Variants in HPN observed in about 807,000 individuals in gnomAD.
HPN encodes the protein hepsin.
Under a neutral mutation model 55.9 loss-of-function variants are expected in HPN, and 13 were observed. The observed-to-expected ratio is 0.23, with a 90% CI of 0.15 to 0.37. The LOEUF (loss-of-function observed/expected upper bound fraction) is 0.37. Ranked by LOEUF, HPN falls within the 10% of genes least tolerant of loss-of-function variation. The probability of loss-of-function intolerance (pLI) is 1.00; values close to 1 mark genes in which losing one functional copy is unlikely to be tolerated. For missense variants in HPN, 451 were observed against 575.8 expected (o/e 0.78, Z 2.22); for synonymous variants, 225 against 240.3 (o/e 0.94, Z 0.59).
chr19:35,054,122 A>G (rs1294983984), intron 4 of HPN, among the ~76,000 whole-genome samples: 1 of 152,166 alleles, frequency 6.6e-6, no homozygotes. Flanking sequence ...ATGGGCATAG[A>G]AGTGGTCACT....
At position 35,065,870 on chromosome 19, in the gene HPN, C is replaced by T. The variant is rs372630062; in HGVS notation, c.1053C>T (p.Gly351=). 75 of 1,613,742 alleles carry T rather than the reference C, an allele frequency of 4.6e-5. No homozygotes were observed. The highest frequency in any genetic ancestry group is 6.7e-5 in the African/African-American group (5 of 74,928). Reference sequence around the variant, plus strand: ...CAGACCTCCCTCTCCCCTCCCAGGGCGACAGCGGTGGTCCCTTTGTGTGTG... The same window carrying T: ...CAGACCTCCCTCTCCCCTCCCAGGGTGACAGCGGTGGTCCCTTTGTGTGTG... ...YPEGGIDACQ[G]DSGGPFVCED... is the part of the protein sequence containing the mutation. Residue 351 remains glycine, a splice_region_variant and synonymous_variant, in exon 12 of 13, where the codon GGC becomes GGT. Transcript: ENST00000672452.
chr19:35,064,149 T>TCAGCAGG (rs10567974), intron 9 of HPN, among the ~76,000 whole-genome samples: 2 of 151,310 alleles, frequency 1.3e-5, no homozygotes, highest in Admixed American at 6.6e-5. Flanking sequence ...GGTGATGTCA[T>TCAGCAGG]CAGCAGGCAG....
chr19:35,050,424 G>T (rs1022170281), intron 4 of HPN: 1 of 953,654 alleles, frequency 1.0e-6, no homozygotes, highest in South Asian at 1.4e-5. Flanking sequence ...GCCTGTCCCT[G>T]GTAATTAGCT....
At position 35,049,535 on chromosome 19, in the gene HPN, G is replaced by A; in HGVS notation, c.160+19G>A. ...TACCCAGGTGAGTGGAGCAGGCTGG[G>A]ACCCTCTGGGGGAGCCCTGGAGGAC... On this transcript the variant is annotated intron_variant, in intron 4 of 12. Transcript: ENST00000672452. The A allele has an allele frequency of 6.3e-7, 1 of 1,588,852 alleles. No homozygotes were observed. The highest frequency in any genetic ancestry group is 8.6e-7 in the Non-Finnish European group (1 of 1,166,800).
Position 35,060,376 on chromosome 19 carries a change from C to T in HPN, c.484C>T (p.Arg162Cys), listed in dbSNP as rs751620154. The stretch of plus-strand genomic sequence containing the variant: ...TGGCCGCAGGAAGCTGCCCGTGGAC[C>T]GCATCGTGGGAGGCCGGGACACCAG... ...DCGRRKLPVD[R>C]IVGGRDTSLG... is the part of the protein sequence containing the mutation. Residue 162 changes from arginine to cysteine, a missense_variant, in exon 8 of 13, where the codon CGC (arginine) becomes TGC (cysteine). This residue lies in a region of HPN where 378 missense variants were observed against 445.5 expected (regional missense o/e 0.85). Coordinates refer to ENST00000672452, the MANE Select transcript of HPN (RefSeq NM_001384133.1). 12 of 1,612,254 alleles carry T rather than the reference C, an allele frequency of 7.4e-6. No homozygotes were observed. The highest frequency in any genetic ancestry group is 1.7e-6 in the Non-Finnish European group (2 of 1,179,898).
intron 4 of HPN, among the ~76,000 whole-genome samples, chr19:35,052,726 T>A (rs1439730396): frequency 6.6e-6 from 1 of 152,114 alleles, no homozygotes; most frequent in African/African-American, 2.4e-5. Flanking sequence ...TCCTCACTCA[T>A]TGTGAATTAT....
chr19:35,065,295 T>C lies in HPN; in HGVS notation c.857T>C (p.Val286Ala), dbSNP rs970896654. 1.2e-6 allele frequency: 2 copies of C among 1,614,026 alleles called. No homozygotes were observed. The highest frequency in any genetic ancestry group is 1.7e-6 in the Non-Finnish European group (2 of 1,179,944). ...VCLPAAGQAL[V>A]DGKICTVTGW... ...CTCCCAGCTGCCGGCCAGGCCCTGGTGGATGGCAAGATCTGTACCGTGACG... is the reference window on the plus strand; with the variant it reads ...CTCCCAGCTGCCGGCCAGGCCCTGGCGGATGGCAAGATCTGTACCGTGACG... The change falls in exon 10 of 13, where the codon GTG becomes GCG. Residue 286 changes from valine to alanine, a missense_variant. Val to Ala is a moderately conservative substitution (Grantham distance 64, BLOSUM62 0). Transcript: ENST00000672452.
intron 2 of HPN, among the ~76,000 whole-genome samples, chr19:35,046,942 C>T (rs948098412): frequency 6.6e-6 from 1 of 152,154 alleles, no homozygotes; most frequent in Non-Finnish European, 1.5e-5. Context: ...CATTCTCCTG[C>T]CTCAGCCTCC....
chr19:35,057,794 G>A (rs561812091), intron 4 of HPN, among the ~76,000 whole-genome samples: 9 of 152,242 alleles, frequency 5.9e-5, no homozygotes, highest in Admixed American at 2.6e-4. Context: ...GTTCCACAAC[G>A]TATACATATT....
chr19:35,041,727 G>C lies in HPN; in HGVS notation c.-200G>C, dbSNP rs2064295501. 8.2e-7 allele frequency: 1 copy of C among 1,215,066 alleles called. No individual in the cohort carries two copies. The highest frequency in any genetic ancestry group is 1.7e-5 in the African/African-American group (1 of 60,462). 75.3% of individuals were successfully genotyped at this position (1,215,066 alleles called of 1,614,324 possible). A position where few individuals can be genotyped will look rare whatever the true frequency, so the allele number is the denominator to read the frequency against. On this transcript the variant is annotated 5_prime_UTR_variant, in exon 1 of 13. Coordinates refer to ENST00000672452, the MANE Select transcript of HPN (RefSeq NM_001384133.1). ...CCCAGCCCCCTCCTCCTCAGGTGAGGCAGCCTGGCCTAGCAGGCCCCACGC... is the reference window on the plus strand; with the variant it reads ...CCCAGCCCCCTCCTCCTCAGGTGAGCCAGCCTGGCCTAGCAGGCCCCACGC...
chr19:35,049,509 G>T lies in HPN; in HGVS notation c.153G>T (p.Leu51=). Reference sequence around the variant, plus strand: ...TCCTCAGGAGTGACCAGGAGCCGCTGTACCCAGGTGAGTGGAGCAGGCTGG... The same window carrying T: ...TCCTCAGGAGTGACCAGGAGCCGCTTTACCCAGGTGAGTGGAGCAGGCTGG... ...AVLLRSDQEP[L]YPVQVSSADA... Residue 51 remains leucine (L), a synonymous_variant, in exon 4 of 13, where the codon CTG becomes CTT. Coordinates refer to ENST00000672452, the MANE Select transcript of HPN (RefSeq NM_001384133.1). 6.2e-7 allele frequency: 1 copy of T among 1,601,944 alleles called. No homozygotes were observed.
At chr19:35,042,920 C>CTGG (rs1202607353) in intron 2 of HPN, among the ~76,000 whole-genome samples, 1 of 152,152 alleles carries the variant, frequency 6.6e-6, no homozygotes, top group Non-Finnish European at 1.5e-5. Flanking sequence ...GCTGTGTGAT[C>CTGG]TGGTGCAAGT....
At chr19:35,050,517 C>T (rs976764200) in intron 4 of HPN, 1 of 1,289,010 alleles carries the variant, frequency 7.8e-7, no homozygotes, top group Admixed American at 2.3e-5. Context: ...TTAGACTTAT[C>T]CACTGTAAGT....
chr19:35,058,335 A>G (rs1260922900), intron 4 of HPN, among the ~76,000 whole-genome samples: 9 of 148,916 alleles, frequency 6.0e-5, no homozygotes, highest in Non-Finnish European at 3.0e-5. Flanking sequence ...ACCTGCCATC[A>G]TGCCTGGCTA....
intron 4 of HPN, chr19:35,050,445 G>A: frequency 8.3e-7 from 1 of 1,208,910 alleles, no homozygotes; most frequent in Non-Finnish European, 1.1e-6. Context: ...CCATTTTACA[G>A]ATGTGCAAAA....
chr19:35,065,431 T>G, intron 10 of HPN, 86 bp downstream of exon 10: 1 of 1,565,726 alleles, frequency 6.4e-7, no homozygotes, highest in East Asian at 2.3e-5. Context: ...GTTGGATGAG[T>G]CTTGACCATG....
chr19:35,041,137 C>T (rs565015798), upstream of HPN, among the ~76,000 whole-genome samples: 51 of 152,306 alleles, frequency 3.3e-4, no homozygotes, highest in African/African-American at 1.1e-3. Context: ...CCCGGCCAAG[C>T]CCCCCATCCC....
chr19:35,061,466 C>T (rs548281356), intron 9 of HPN, among the ~76,000 whole-genome samples: 20 of 152,030 alleles, frequency 1.3e-4, no homozygotes, highest in Non-Finnish European at 2.1e-4. Context: ...TGGTGGCACA[C>T]GCCTGTAATC....
At chr19:35,043,537 G>T (rs1359130099) in intron 2 of HPN, among the ~76,000 whole-genome samples, 1 of 152,246 alleles carries the variant, frequency 6.6e-6, no homozygotes, top group Non-Finnish European at 1.5e-5. Flanking sequence ...GGGTGACAGT[G>T]CATGTCCAAC....
Sources: gnomAD v4.1 joint callset for allele counts (sites outside exome capture counted in the v4.1 genomes callset) on GRCh38, gnomAD v4.1.1 for gene constraint, gnomAD v4.1.1 regional missense constraint, MANE v1.5 for transcripts, NCBI Gene and HGNC (gene_info 2026-07-23, HGNC 2026-07-21) for gene names.